MPPED2: variants seen among roughly 807,000 people sequenced by gnomAD.
MPPED2 encodes metallophosphoesterase MPPED2.
A neutral mutation model predicts 33.0 loss-of-function variants in MPPED2; 5 were observed. The ratio of observed to expected loss-of-function variants is 0.15; its 90% CI spans 0.08 to 0.32. The LOEUF (loss-of-function observed/expected upper bound fraction) is 0.32. Ranked by LOEUF, MPPED2 falls within the 10% of genes least tolerant of loss-of-function variation. The pLI is 1.00. For synonymous variants in MPPED2, 136 were observed against 141.9 expected (o/e 0.96, Z 0.29); for missense variants, 275 against 372.1 (o/e 0.74, Z 2.15).
chr11:30,419,769 C>T (rs1488909739), intron 4 of MPPED2, among the ~76,000 whole-genome samples: 9 of 151,958 alleles, frequency 5.9e-5, no homozygotes, highest in African/African-American at 1.9e-4. Flanking sequence ...CTTATATGAG[C>T]CTGGAATTGC....
At chr11:30,574,464 A>G (rs1956836420) in intron 2 of MPPED2, among the ~76,000 whole-genome samples, 1 of 152,214 alleles carries the variant, frequency 6.6e-6, no homozygotes, top group African/African-American at 2.4e-5. Flanking sequence ...GAAATCGCCT[A>G]GAAGATGCAT....
At chr11:30,433,462 G>T (rs1949175010) in intron 4 of MPPED2, among the ~76,000 whole-genome samples, 1 of 152,114 alleles carries the variant, frequency 6.6e-6, no homozygotes, top group Non-Finnish European at 1.5e-5. Context: ...TGAATGCTGT[G>T]ATTAACCTTA....
intron 3 of MPPED2, among the ~76,000 whole-genome samples, chr11:30,504,226 A>G (rs11031119): frequency 0.28 from 42,839 of 151,994 alleles, 7,024 homozygotes; most frequent in Middle Eastern, 0.44. Context: ...AGGAACAGGG[A>G]AAATGTTAAA....
At chr11:30,463,566 C>A (rs548546) in intron 4 of MPPED2, among the ~76,000 whole-genome samples, 9,719 of 152,216 alleles carry the variant, frequency 0.064, 360 homozygotes, top group South Asian at 0.17. Flanking sequence ...CTTAGTTCTG[C>A]GAAGTGGCTG....
chr11:30,483,301 A>C (rs1401435082), intron 4 of MPPED2, among the ~76,000 whole-genome samples: 1 of 152,240 alleles, frequency 6.6e-6, no homozygotes, highest in Non-Finnish European at 1.5e-5. Context: ...GAAAAACAGG[A>C]AGCATTAAGT....
chr11:30,549,752 A>AT (rs1410031389), intron 2 of MPPED2, among the ~76,000 whole-genome samples: 1 of 152,136 alleles, frequency 6.6e-6, no homozygotes, highest in Non-Finnish European at 1.5e-5. Flanking sequence ...CTGCCCTGTG[A>AT]TTGTTTCAAG....
intron 4 of MPPED2, among the ~76,000 whole-genome samples, chr11:30,482,911 T>G (rs794927): frequency 0.1 from 15,403 of 152,182 alleles, 1,004 homozygotes; most frequent in South Asian, 0.24. Flanking sequence ...CTGTAGAAGG[T>G]AATTCCTACA....
At chr11:30,563,383 C>T (rs147714627) in intron 2 of MPPED2, among the ~76,000 whole-genome samples, 2 of 152,096 alleles carry the variant, frequency 1.3e-5, no homozygotes, top group African/African-American at 2.4e-5. Context: ...GGTTTGGGCT[C>T]CTATCAGAAT....
At chr11:30,531,533 A>G (rs1418960158) in intron 3 of MPPED2, among the ~76,000 whole-genome samples, 1 of 152,238 alleles carries the variant, frequency 6.6e-6, no homozygotes, top group African/African-American at 2.4e-5. Flanking sequence ...TCAAGTGTTC[A>G]TAAGTGGGAA....
intron 2 of MPPED2, among the ~76,000 whole-genome samples, chr11:30,566,616 T>C (rs1175324387): frequency 6.6e-6 from 1 of 152,188 alleles, no homozygotes; most frequent in Non-Finnish European, 1.5e-5. Flanking sequence ...GGGAAGCACA[T>C]GTTAATTCCT....
rs747491066 is a variant in MPPED2 at position 30,495,396 on chromosome 11, G to T, written c.436C>A (p.Pro146Thr). ...GACTGAACATTGTCAAAGTCCTCTGGTTTCAATTTGGACACAGAGGGGAAA... is the reference window on the plus strand; with the variant it reads ...GACTGAACATTGTCAAAGTCCTCTGTTTTCAATTTGGACACAGAGGGGAAA... ...YRFPSVSKLK[P>T]EDFDNVQSLL... Residue 146 changes from proline to threonine, a missense_variant, in exon 4 of 7, where the codon CCA becomes ACA. Coordinates refer to ENST00000358117, the MANE Select transcript of MPPED2 (RefSeq NM_001584.3). The T allele has an allele frequency of 2.4e-5, 38 of 1,613,706 alleles. No individual in the cohort carries two copies. Among genetic ancestry groups the T allele is most frequent in the Non-Finnish European group, 3.1e-5 (36 of 1,179,738 alleles).
chr11:30,564,995 T>C (rs1386469166), intron 2 of MPPED2, among the ~76,000 whole-genome samples: 7 of 152,142 alleles, frequency 4.6e-5, no homozygotes, highest in Non-Finnish European at 1.0e-4. Context: ...GAGTTATATA[T>C]GACATCCTCC....
intron 2 of MPPED2, among the ~76,000 whole-genome samples, chr11:30,548,821 C>T (rs1410731147): frequency 6.6e-6 from 1 of 152,062 alleles, no homozygotes; most frequent in Non-Finnish European, 1.5e-5. Context: ...GGTTAATTCC[C>T]AGGGGGACAC....
intron 3 of MPPED2, among the ~76,000 whole-genome samples, chr11:30,529,045 T>C (rs1003529096): frequency 1.3e-5 from 2 of 152,170 alleles, no homozygotes; most frequent in South Asian, 4.1e-4. Context: ...AGAATGGAAA[T>C]ACCTTATGTA....
chr11:30,536,811 G>A (rs1954838474), intron 2 of MPPED2, among the ~76,000 whole-genome samples: 1 of 151,708 alleles, frequency 6.6e-6, no homozygotes, highest in South Asian at 2.1e-4. Context: ...GACACTGGAT[G>A]TTAAAAGAAC....
chr11:30,384,566 C>T (rs1401264620), exon 7 of MPPED2: 1 of 151,498 alleles, frequency 6.6e-6, no homozygotes, highest in Non-Finnish European at 1.5e-5. Flanking sequence ...CCTCCGCCTC[C>T]AGGGTTCAAG....
chr11:30,403,986 T>C (rs1947951705), intron 6 of MPPED2, among the ~76,000 whole-genome samples: 1 of 152,200 alleles, frequency 6.6e-6, no homozygotes, highest in African/African-American at 2.4e-5. Flanking sequence ...TCTCATTGCT[T>C]GTTCAAATGC....
chr11:30,579,109 A>C (rs1339814065), intron 2 of MPPED2, among the ~76,000 whole-genome samples: 1 of 151,416 alleles, frequency 6.6e-6, no homozygotes, highest in African/African-American at 2.4e-5. Context: ...CTTGCAAAGC[A>C]ACATCCTAGT....
At chr11:30,426,323 G>A (rs1023699597) in intron 4 of MPPED2, among the ~76,000 whole-genome samples, 1 of 152,192 alleles carries the variant, frequency 6.6e-6, no homozygotes, top group Non-Finnish European at 1.5e-5. Flanking sequence ...CCATACTGTA[G>A]CATGTGTTAG....
Sources: gnomAD v4.1 joint callset for allele counts (sites outside exome capture counted in the v4.1 genomes callset) on GRCh38, gnomAD v4.1.1 for gene constraint, MANE v1.5 for transcripts, NCBI Gene and HGNC (gene_info 2026-07-23, HGNC 2026-07-21) for gene names.